Variants in RAP1GAP2 observed in about 807,000 individuals in gnomAD.
The protein encoded by RAP1GAP2 is rap1 GTPase-activating protein 2.
Under a neutral mutation model 95.0 loss-of-function variants are expected in RAP1GAP2, and 27 were observed. The observed-to-expected ratio is 0.28, with a 90% confidence interval of 0.21 to 0.39. RAP1GAP2 has a LOEUF of 0.39. RAP1GAP2 is among the 10% of genes least tolerant of loss of function. The pLI, the probability that RAP1GAP2 is intolerant of heterozygous loss-of-function variation, is 1.00. For synonymous variants in RAP1GAP2, 373 were observed against 380.9 expected (o/e 0.98, Z 0.24); for missense variants, 771 against 970.0 (o/e 0.79, Z 2.72).
chr17:2,944,827 G>A (rs1452719620), intron 3 of RAP1GAP2, among the ~76,000 whole-genome samples: 1 of 152,096 alleles, frequency 6.6e-6, no homozygotes, highest in Non-Finnish European at 1.5e-5. Flanking sequence ...GTAGTGCTTA[G>A]TGTGCCAGCC....
chr17:3,008,127 G>A lies in RAP1GAP2; in HGVS notation c.1476G>A (p.Gly492=). The change falls in exon 17 of 25, where the codon GGG becomes GGA. Residue 492 remains glycine, a synonymous_variant. Coordinates refer to ENST00000254695, the MANE Select transcript of RAP1GAP2 (RefSeq NM_015085.5). The surrounding 1 kb of genome is among the most constrained non-coding windows in gnomAD (Gnocchi z 4.2). ...AGTTTGAGAATGGAGGCCACGGGGG[G>A]TTCCTGGAGTCTTTTAAGGTATGAG... is the stretch of plus-strand genomic sequence containing the variant. ...EDKFENGGHG[G]FLESFKRAIR... The A allele has an allele frequency of 6.2e-7, 1 of 1,614,014 alleles. No homozygotes were observed. Among genetic ancestry groups the A allele is most frequent in the Non-Finnish European group, 8.5e-7 (1 of 1,179,882 alleles).
intron 3 of RAP1GAP2, among the ~76,000 whole-genome samples, chr17:2,927,380 C>G (rs992748369): frequency 2.0e-5 from 3 of 152,128 alleles, no homozygotes; most frequent in Non-Finnish European, 2.9e-5. Flanking sequence ...GTCTCGATCT[C>G]CTGACCTCGT....
intron 11 of RAP1GAP2, among the ~76,000 whole-genome samples, chr17:2,985,723 C>T (rs2045535781): frequency 6.6e-6 from 1 of 152,038 alleles, no homozygotes; most frequent in African/African-American, 2.4e-5. Context: ...TTCATGAATG[C>T]GAGTCTGATG....
Position 3,019,733 on chromosome 17 carries a change from C to A in RAP1GAP2, c.1633-744C>A, listed in dbSNP as rs965557275. ...GAGCAGAGCAGGGCCTCATCTCCAT[C>A]CTGTGGATGAGGAGACTCAGGTCGG... On this transcript the variant is annotated intron_variant, in intron 18 of 24. Coordinates refer to ENST00000254695, the MANE Select transcript of RAP1GAP2 (RefSeq NM_015085.5). Among the ~76,000 whole-genome samples the A allele has an allele frequency of 3.3e-5, 5 of 152,340 alleles. No homozygotes were observed. In the East Asian group the frequency reaches 9.6e-4, roughly 29 times the overall value.
In RAP1GAP2 at chr17:2,995,501, G is replaced by A. The variant is rs779888661; in HGVS notation, c.1044+35G>A. On this transcript the variant is annotated intron_variant, in intron 13 of 24. Transcript: ENST00000254695. ...TTTGGGAGGGCTTTGGGAGCCCAGG[G>A]CGGGCGAGGTGAGGGCCTGCCTCTG... 3.1e-6 allele frequency: 5 copies of A among 1,611,916 alleles called. No individual in the cohort carries two copies. In the South Asian group the frequency reaches 4.4e-5, roughly 14 times the overall value.
At chr17:2,844,004 T>G (rs899922004) in intron 2 of RAP1GAP2, among the ~76,000 whole-genome samples, 13 of 151,722 alleles carry the variant, frequency 8.6e-5, no homozygotes, top group Non-Finnish European at 2.9e-5. Context: ...GCCGGCGCGC[T>G]TTTTTTTATT....
chr17:2,755,778 G>A (rs1391552995), intron 1 of RAP1GAP2: 2 of 354,934 alleles, frequency 5.6e-6, no homozygotes, highest in Non-Finnish European at 1.0e-5. Context: ...GTGAGTGGGC[G>A]CCGGGCGGCG....
chr17:2,993,564 C>G (rs968740342), intron 12 of RAP1GAP2, among the ~76,000 whole-genome samples: 1 of 148,028 alleles, frequency 6.8e-6, no homozygotes, highest in African/African-American at 2.5e-5. Context: ...CAGAGTGAGA[C>G]TCTGTCTAAA....
chr17:3,012,625 A>C (rs1353052108), intron 17 of RAP1GAP2, among the ~76,000 whole-genome samples: 36 of 151,056 alleles, frequency 2.4e-4, no homozygotes, highest in African/African-American at 6.6e-4. Flanking sequence ...AAAAAAAAAA[A>C]AAAAAACAAA....
rs1408426152 is a variant in RAP1GAP2, at chr17:2,889,889, A to ATATATATTTTTT, written c.81-15394_81-15393insATATATTTTTTT. On this transcript the variant is annotated intron_variant, in intron 2 of 24. Coordinates refer to ENST00000254695, the MANE Select transcript of RAP1GAP2 (RefSeq NM_015085.5). The stretch of plus-strand genomic sequence containing the variant: ...TATATATATATATATATATATATAT[A>ATATATATTTTTT]TTTTTTTTTTTTTTTGTAGAGATGG... 1.7e-3 allele frequency among the ~76,000 whole-genome samples: 99 copies of ATATATATTTTTT among 57,280 alleles called. 2 individuals are homozygous for ATATATATTTTTT. The highest frequency in any genetic ancestry group is 5.1e-3 in the East Asian group (8 of 1,570). The allele number at this position is 57,280 out of a possible 152,430, so 37.6% of individuals were successfully genotyped here.
chr17:2,761,979 CTTTTTTTTTTTT>C (rs901487276), intron 1 of RAP1GAP2, among the ~76,000 whole-genome samples: 1 of 77,746 alleles, frequency 1.3e-5, no homozygotes, highest in East Asian at 5.1e-4. Context: ...GTTTATATAT[CTTTTTTTTTTTT>C]TTTTTTTTTT....
rs917540694 is a variant in RAP1GAP2, at chr17:2,891,814, C to CTTTTTTTT, written c.81-13451_81-13444dup. Among the ~76,000 whole-genome samples the CTTTTTTTT allele has an allele frequency of 1.5e-3, 84 of 54,284 alleles. 7 individuals carry two copies. Among genetic ancestry groups the CTTTTTTTT allele is most frequent in the Middle Eastern group, 0.026 (1 of 38 alleles). 35.6% of individuals were successfully genotyped at this position (54,284 alleles called of 152,430 possible). ...TGATATGCAGATTCATATTTCTTTT[C>CTTTTTTTT]TTTTTTTTTTTTTTTTTTTTTTTTT... is the stretch of plus-strand genomic sequence containing the variant. On this transcript the variant is annotated intron_variant, in intron 2 of 24. Transcript: ENST00000254695.
intron 2 of RAP1GAP2, among the ~76,000 whole-genome samples, chr17:2,842,295 C>T (rs1053676762): frequency 3.3e-5 from 5 of 151,884 alleles, no homozygotes; most frequent in African/African-American, 9.7e-5. Context: ...TTTGGGAGGG[C>T]GAGGCAGGCA....
chr17:2,983,151 G>A (rs768881116), intron 10 of RAP1GAP2, among the ~76,000 whole-genome samples: 6 of 152,186 alleles, frequency 3.9e-5, no homozygotes, highest in Middle Eastern at 3.2e-3. Context: ...CACACAGGCC[G>A]CAGATTCCGG....
upstream of RAP1GAP2, among the ~76,000 whole-genome samples, chr17:2,793,386 T>G (rs2068980551): frequency 6.6e-6 from 1 of 152,168 alleles, no homozygotes; most frequent in Admixed American, 6.5e-5. Flanking sequence ...ACTCCTGACC[T>G]CAGGTGATCT....
chr17:2,854,367 G>A (rs1029874561), intron 2 of RAP1GAP2, among the ~76,000 whole-genome samples: 13 of 152,196 alleles, frequency 8.5e-5, no homozygotes, highest in Non-Finnish European at 7.3e-5. Context: ...CAAGTCCGTC[G>A]CCCCCAGACC....
chr17:2,850,377 TTA>T lies in RAP1GAP2; in HGVS notation c.80+49829_80+49830del, dbSNP rs371835842. 2.1e-3 allele frequency among the ~76,000 whole-genome samples: 318 copies of T among 152,024 alleles called. 2 individuals are homozygous for T. The highest frequency in any genetic ancestry group is 7.1e-3 in the African/African-American group (294 of 41,466). Reference sequence around the variant, plus strand: ...AGTATTGAGGCAGAACTTAATAAATTTATGTTTGTTTTCATGGTAGGAAGGGC... The same window carrying T: ...AGTATTGAGGCAGAACTTAATAAATTTGTTTGTTTTCATGGTAGGAAGGGC... On this transcript the variant is annotated intron_variant, in intron 2 of 24. Coordinates refer to ENST00000254695, the MANE Select transcript of RAP1GAP2 (RefSeq NM_015085.5).
chr17:2,786,945 CCTT>C (rs2068794307), intron 1 of RAP1GAP2, among the ~76,000 whole-genome samples: 5 of 111,432 alleles, frequency 4.5e-5, no homozygotes, highest in Non-Finnish European at 8.9e-5. Context: ...TCGCTCCCAG[CCTT>C]TTTTTTTTTT....
chr17:2,836,915 G>T (rs773511897), intron 2 of RAP1GAP2, among the ~76,000 whole-genome samples: 1 of 152,100 alleles, frequency 6.6e-6, no homozygotes, highest in Admixed American at 6.6e-5. Flanking sequence ...GACGAGGTGT[G>T]TGCCCATTCC....
Sources: gnomAD v4.1 joint callset for allele counts (sites outside exome capture counted in the v4.1 genomes callset) on GRCh38, gnomAD v4.1.1 for gene constraint, Gnocchi (gnomAD v3.1) non-coding constraint, MANE v1.5 for transcripts, NCBI Gene and HGNC (gene_info 2026-07-23, HGNC 2026-07-21) for gene names.